The following DLG2 variants were observed in gnomAD, a reference collection of about 807,000 sequenced individuals.
DLG2 encodes disks large homolog 2.
In DLG2, 45 loss-of-function variants were observed where a neutral mutation model predicts 132.5. That is an observed-to-expected ratio of 0.34 (90% CI 0.27 to 0.44). The LOEUF (loss-of-function observed/expected upper bound fraction) is 0.44. Ranked by LOEUF, DLG2 falls within the 20% of genes least tolerant of loss-of-function variation. The pLI is 1.00. For synonymous variants in DLG2, 424 were observed against 419.6 expected (o/e 1.01, Z -0.13); for missense variants, 1,045 against 1,196.9 (o/e 0.87, Z 1.87).
At chr11:83,726,112 T>TA (rs34731158) in intron 18 of DLG2, among the ~76,000 whole-genome samples, 3 of 152,116 alleles carry the variant, frequency 2.0e-5, no homozygotes, top group South Asian at 4.2e-4. Flanking sequence ...TTTTATTTTT[T>TA]AAAAAAAATC....
intron 9 of DLG2, among the ~76,000 whole-genome samples, chr11:84,127,615 T>A (rs1336276983): frequency 6.6e-6 from 1 of 152,162 alleles, no homozygotes; most frequent in African/African-American, 2.4e-5. Context: ...TCCTTTTTTC[T>A]GTACAGACAA....
At chr11:84,033,469 G>C (rs2095767523) in intron 11 of DLG2, among the ~76,000 whole-genome samples, 1 of 152,216 alleles carries the variant, frequency 6.6e-6, no homozygotes, top group South Asian at 2.1e-4. Context: ...ATGAAGAGTT[G>C]TTTCTCAGGA....
chr11:84,421,675 C>T (rs962187518), intron 7 of DLG2, among the ~76,000 whole-genome samples: 2 of 152,138 alleles, frequency 1.3e-5, no homozygotes, highest in Non-Finnish European at 1.5e-5. Context: ...TCAAATAATT[C>T]GTACTATTTA....
At chr11:83,493,080 C>T (rs1373265793) in intron 21 of DLG2, among the ~76,000 whole-genome samples, 4 of 152,094 alleles carry the variant, frequency 2.6e-5, no homozygotes, top group Admixed American at 2.6e-4. Flanking sequence ...CCTTCTTTGC[C>T]TCACTGTCTT....
At chr11:84,729,656 G>C (rs561480656) in intron 6 of DLG2, among the ~76,000 whole-genome samples, 2 of 152,132 alleles carry the variant, frequency 1.3e-5, no homozygotes, top group South Asian at 4.1e-4. Context: ...CACACGTAGT[G>C]ACTGCTTGGC....
intron 6 of DLG2, among the ~76,000 whole-genome samples, chr11:84,536,645 C>G (rs1360275120): frequency 6.6e-6 from 1 of 152,134 alleles, no homozygotes; most frequent in Non-Finnish European, 1.5e-5. Context: ...CATTAACTCC[C>G]ACGTCTGCTC....
chr11:84,937,745 T>G (rs1201868464), intron 6 of DLG2, among the ~76,000 whole-genome samples: 1 of 152,094 alleles, frequency 6.6e-6, no homozygotes, highest in African/African-American at 2.4e-5. Flanking sequence ...GTTTAATCAG[T>G]AAAGGGAATT....
intron 3 of DLG2, among the ~76,000 whole-genome samples, chr11:85,492,079 T>A (rs1272716990): frequency 6.6e-6 from 1 of 152,104 alleles, no homozygotes; most frequent in African/African-American, 2.4e-5. Context: ...AACAATGTAA[T>A]ATATTCTTGA....
chr11:83,474,606 A>G (rs917587711), intron 22 of DLG2, among the ~76,000 whole-genome samples: 3 of 152,146 alleles, frequency 2.0e-5, no homozygotes, highest in Admixed American at 6.6e-5. Context: ...AGTTTCATAA[A>G]GGCGAGAACT....
At chr11:85,248,390 T>C (rs2076237771) in intron 4 of DLG2, among the ~76,000 whole-genome samples, 1 of 152,096 alleles carries the variant, frequency 6.6e-6, no homozygotes, top group Non-Finnish European at 1.5e-5. Flanking sequence ...CTTCGGTAAA[T>C]AGTTCTCAAA....
chr11:83,748,871 T>C (rs73511038), intron 18 of DLG2, among the ~76,000 whole-genome samples: 2,115 of 152,328 alleles, frequency 0.014, 58 homozygotes, highest in African/African-American at 0.049. Context: ...GTAGCAATTT[T>C]ACAAGCTTTT....
chr11:84,995,785 G>A (rs1339931461), intron 6 of DLG2, among the ~76,000 whole-genome samples: 1 of 151,956 alleles, frequency 6.6e-6, no homozygotes, highest in East Asian at 1.9e-4. Flanking sequence ...GGAAGCCTAG[G>A]ACAGGTGGGT....
In DLG2 at chr11:85,606,891, G is replaced by T. The variant is rs548615499; in HGVS notation, c.-92-8103C>A. ...AAGACCATGAACCCACCAGAAGGAA[G>T]AAACTCTGGACACATCCAAACATCA... On this transcript the variant is annotated intron_variant, in intron 2 of 27. Coordinates refer to ENST00000376104, the MANE Select transcript of DLG2 (RefSeq NM_001142699.3). Among the ~76,000 whole-genome samples the T allele has an allele frequency of 1.2e-4, 18 of 152,268 alleles. 1 individual carries two copies. The highest frequency in any genetic ancestry group is 3.6e-4 in the African/African-American group (15 of 41,536).
At chr11:85,273,764 C>G (rs886723247) in intron 4 of DLG2, among the ~76,000 whole-genome samples, 2 of 152,120 alleles carry the variant, frequency 1.3e-5, no homozygotes, top group African/African-American at 4.8e-5. Context: ...GGTATATACC[C>G]AAAGGATTAT....
intron 4 of DLG2, among the ~76,000 whole-genome samples, chr11:85,281,447 A>C (rs2078215865): frequency 6.6e-6 from 1 of 151,984 alleles, no homozygotes; most frequent in Non-Finnish European, 1.5e-5. Context: ...ATATAGCTAT[A>C]ATAACGAAGC....
chr11:84,206,632 G>C (rs2096669058), intron 8 of DLG2, among the ~76,000 whole-genome samples: 1 of 151,946 alleles, frequency 6.6e-6, no homozygotes, highest in African/African-American at 2.4e-5. Context: ...TAATATACAA[G>C]AGAAAATTCA....
intron 11 of DLG2, among the ~76,000 whole-genome samples, chr11:84,036,817 T>C (rs964227500): frequency 6.6e-6 from 1 of 152,266 alleles, no homozygotes; most frequent in African/African-American, 2.4e-5. Context: ...TGTGAATGAA[T>C]ACAGACTAAT....
chr11:83,987,558 C>T (rs2093417799), intron 11 of DLG2, among the ~76,000 whole-genome samples: 1 of 152,132 alleles, frequency 6.6e-6, no homozygotes, highest in South Asian at 2.1e-4. Flanking sequence ...CTACAACTAT[C>T]TGATCTTTGA....
At chr11:85,311,703 C>T (rs762597785) in intron 3 of DLG2, among the ~76,000 whole-genome samples, 2 of 152,066 alleles carry the variant, frequency 1.3e-5, no homozygotes, top group Admixed American at 6.6e-5. Context: ...CTGAACCACA[C>T]AGACTAAATT....
Sources: gnomAD v4.1 joint callset for allele counts (sites outside exome capture counted in the v4.1 genomes callset) on GRCh38, gnomAD v4.1.1 for gene constraint, MANE v1.5 for transcripts, NCBI Gene and HGNC (gene_info 2026-07-23, HGNC 2026-07-21) for gene names.